ATF1: variants seen among roughly 807,000 people sequenced by gnomAD.
The protein encoded by ATF1 is activating transcription factor 1, also known as cyclic AMP-dependent transcription factor ATF-1.
A neutral mutation model predicts 34.7 loss-of-function variants in ATF1; 16 were observed. The observed-to-expected ratio is 0.46, with a 90% CI of 0.31 to 0.70. The LOEUF (loss-of-function observed/expected upper bound fraction) is 0.70. Among genes scored for constraint, ATF1 ranks in the 30% least tolerant of loss-of-function variants. The pLI is 0.05. For missense variants in ATF1, 255 were observed against 321.6 expected (o/e 0.79, Z 1.58); for synonymous variants, 105 against 113.1 (o/e 0.93, Z 0.46).
intron 1 of ATF1, among the ~76,000 whole-genome samples, chr12:50,773,306 G>A (rs1017063134): frequency 1.3e-5 from 2 of 152,028 alleles, no homozygotes; most frequent in Admixed American, 6.6e-5. Flanking sequence ...GGGTCAAATG[G>A]TATTTCTACC....
rs1565920475 is a variant in ATF1 at position 50,814,277 on chromosome 12, T to C, written c.512-3T>C. On this transcript the variant is annotated splice_polypyrimidine_tract_variant and splice_region_variant and intron_variant, in intron 5 of 6. Coordinates refer to ENST00000262053, the MANE Select transcript of ATF1 (RefSeq NM_005171.5). ...AACTCATTCACTCTTGTTTACCATC[T>C]AGCTGCATCAGGAGATATGCAAACA... 1.2e-6 allele frequency: 2 copies of C among 1,614,194 alleles called. No homozygotes were observed. The highest frequency in any genetic ancestry group is 1.1e-5 in the South Asian group (1 of 91,080).
intron 1 of ATF1, among the ~76,000 whole-genome samples, chr12:50,778,044 G>T (rs67356137): frequency 0.25 from 38,395 of 150,602 alleles, 5,436 homozygotes; most frequent in Non-Finnish European, 0.32. Context: ...AGCCTCCTGA[G>T]TAGCTGAGAC....
intron 2 of ATF1, 77 bp downstream of exon 2, chr12:50,780,315 T>C (rs1337029569): frequency 7.8e-7 from 1 of 1,290,164 alleles, no homozygotes; most frequent in Non-Finnish European, 1.1e-6. Flanking sequence ...TCAGACTGAT[T>C]ATTAATGTGT....
chr12:50,794,743 G>T (rs61926303), intron 2 of ATF1, among the ~76,000 whole-genome samples: 52,668 of 150,882 alleles, frequency 0.35, 9,411 homozygotes, highest in Non-Finnish European at 0.39. Context: ...AACATAATGA[G>T]ACCCTGTCAG....
At chr12:50,809,942 T>C (rs1342198718) in intron 4 of ATF1, among the ~76,000 whole-genome samples, 1 of 152,222 alleles carries the variant, frequency 6.6e-6, no homozygotes, top group African/African-American at 2.4e-5. Context: ...CAAGTGATTC[T>C]CCTGCCTCAG....
chr12:50,771,552 A>C (rs773539357), intron 1 of ATF1, among the ~76,000 whole-genome samples: 2 of 152,068 alleles, frequency 1.3e-5, no homozygotes, highest in African/African-American at 2.4e-5. Flanking sequence ...TAGAAGATGG[A>C]TCTTCGTCCC....
Position 50,820,573 on chromosome 12 carries a change from ATTAC to A in ATF1, c.*798_*801del, listed in dbSNP as rs1356644068. 1 of 179,386 alleles carries A rather than the reference ATTAC, an allele frequency of 5.6e-6. No homozygotes were observed. Among genetic ancestry groups the A allele is most frequent in the African/African-American group, 2.4e-5 (1 of 42,446 alleles). 11.1% of individuals were successfully genotyped at this position (179,386 alleles called of 1,614,324 possible). ...ATATTCTGTATGCAGTTGAATATCC[ATTAC>A]TTATTCTGCTGTGCTTTAATAGAAT... On this transcript the variant is annotated 3_prime_UTR_variant, in exon 7 of 7. Coordinates refer to ENST00000262053, the MANE Select transcript of ATF1 (RefSeq NM_005171.5).
At chr12:50,793,591 C>G (rs2139667874) in intron 2 of ATF1, among the ~76,000 whole-genome samples, 1 of 147,850 alleles carries the variant, frequency 6.8e-6, no homozygotes, top group East Asian at 2.0e-4. Context: ...CAAGATTGTG[C>G]TATTGCACTC....
chr12:50,767,567 A>G (rs760620789), intron 1 of ATF1, among the ~76,000 whole-genome samples: 8 of 152,190 alleles, frequency 5.3e-5, no homozygotes, highest in Non-Finnish European at 1.0e-4. Flanking sequence ...GCTTTTCAAG[A>G]TGACCCAGCA....
chr12:50,798,080 C>T (rs1387780712), intron 3 of ATF1, among the ~76,000 whole-genome samples: 3 of 150,866 alleles, frequency 2.0e-5, no homozygotes, highest in African/African-American at 7.3e-5. Context: ...ACCCAGGGGG[C>T]GGAGGCTGCA....
At chr12:50,802,650 G>A (rs1941534638) in intron 3 of ATF1, among the ~76,000 whole-genome samples, 1 of 150,974 alleles carries the variant, frequency 6.6e-6, no homozygotes, top group Admixed American at 6.6e-5. Context: ...AGGTGGGGCA[G>A]ATCACGAGGT....
intron 1 of ATF1, among the ~76,000 whole-genome samples, chr12:50,779,693 A>G (rs537636397): frequency 1.2e-3 from 176 of 152,224 alleles, no homozygotes; most frequent in Non-Finnish European, 1.8e-3. Flanking sequence ...TACCTAGCCT[A>G]CATATCCTGA....
intron 1 of ATF1, among the ~76,000 whole-genome samples, chr12:50,771,999 CGGG>C (rs1316751325): frequency 6.6e-6 from 1 of 152,198 alleles, no homozygotes; most frequent in Non-Finnish European, 1.5e-5. Flanking sequence ...CAGCAGCCCT[CGGG>C]GCTGCTCTGT....
Position 50,819,925 on chromosome 12 carries a change from G to GTGAC in ATF1, c.*147_*150dup, listed in dbSNP as rs1189909890. On this transcript the variant is annotated 3_prime_UTR_variant, in exon 7 of 7. Coordinates refer to ENST00000262053, the MANE Select transcript of ATF1 (RefSeq NM_005171.5). ...ATAAATATCTTACGCACGATATCTA[G>GTGAC]TGACAGAGGAGAAAGTGGAAAATGA... The GTGAC allele has an allele frequency of 4.5e-6, 3 of 661,354 alleles. No homozygotes were observed. Among genetic ancestry groups the GTGAC allele is most frequent in the Non-Finnish European group, 7.2e-6 (3 of 419,396 alleles). The allele number at this position is 661,354 out of a possible 1,614,324, so 41.0% of individuals were successfully genotyped here.
At chr12:50,812,677 A>G (rs1185185452) in intron 4 of ATF1, among the ~76,000 whole-genome samples, 1 of 152,092 alleles carries the variant, frequency 6.6e-6, no homozygotes, top group Non-Finnish European at 1.5e-5. Flanking sequence ...TTTAAAAATT[A>G]GCTGAGCATG....
At chr12:50,817,792 G>A (rs919957201) in intron 6 of ATF1, among the ~76,000 whole-genome samples, 4 of 152,216 alleles carry the variant, frequency 2.6e-5, no homozygotes, top group African/African-American at 9.6e-5. Flanking sequence ...CTAACAGAAG[G>A]AAACCGGTCT....
At position 50,780,145 on chromosome 12, in the gene ATF1, T is replaced by C. The variant is rs138988331; in HGVS notation, c.-1T>C. 25 of 1,608,906 alleles carry C rather than the reference T, an allele frequency of 1.6e-5. No individual in the cohort carries two copies. In the African/African-American group the frequency reaches 2.8e-4, roughly 18 times the overall value. ...GACTTTTTTCCCCCTTATAGTTGAT[T>C]ATGGAAGATTCCCACAAGAGTACCA... On this transcript the variant is annotated 5_prime_UTR_variant, in exon 2 of 7. Coordinates refer to ENST00000262053, the MANE Select transcript of ATF1 (RefSeq NM_005171.5).
intron 4 of ATF1, among the ~76,000 whole-genome samples, chr12:50,812,500 C>G (rs1275182259): frequency 6.6e-6 from 1 of 151,958 alleles, no homozygotes; most frequent in Non-Finnish European, 1.5e-5. Flanking sequence ...TAATGTGTTG[C>G]AGGGAAGAAG....
intron 3 of ATF1, among the ~76,000 whole-genome samples, chr12:50,803,724 CAA>C (rs1941560758): frequency 6.6e-6 from 1 of 152,056 alleles, no homozygotes; most frequent in Non-Finnish European, 1.5e-5. Context: ...AATGGATAAA[CAA>C]AATGTGGTGT....
Sources: gnomAD v4.1 joint callset for allele counts (sites outside exome capture counted in the v4.1 genomes callset) on GRCh38, gnomAD v4.1.1 for gene constraint, MANE v1.5 for transcripts, NCBI Gene and HGNC (gene_info 2026-07-23, HGNC 2026-07-21) for gene names.